The following TBC1D5 variants were observed in gnomAD, a reference collection of about 807,000 sequenced individuals.
TBC1D5 encodes the protein TBC1 domain family, member 5.
Under a neutral mutation model 100.3 loss-of-function variants are expected in TBC1D5, and 75 were observed. The observed-to-expected ratio is 0.75, with a 90% CI of 0.62 to 0.91. The LOEUF is 0.91. Among genes scored for constraint, TBC1D5 ranks in the 40% least tolerant of loss-of-function variants. TBC1D5 has a pLI of 0.00. For synonymous variants in TBC1D5, 323 were observed against 325.6 expected (o/e 0.99, Z 0.09); for missense variants, 910 against 942.4 (o/e 0.97, Z 0.45).
intron 1 of TBC1D5, among the ~76,000 whole-genome samples, chr3:17,632,616 A>T (rs528428544): frequency 6.6e-6 from 1 of 152,214 alleles, no homozygotes; most frequent in Non-Finnish European, 1.5e-5. Context: ...AAATTGCTAC[A>T]GACAAGCCAA....
In TBC1D5 at chr3:17,428,465, G is replaced by A. The variant is rs1024645950; in HGVS notation, c.152C>T (p.Thr51Ile). 1 of 1,459,164 alleles carries A rather than the reference G, an allele frequency of 6.9e-7. No individual in the cohort carries two copies. Among genetic ancestry groups the A allele is most frequent in the Non-Finnish European group, 9.1e-7 (1 of 1,098,200 alleles). The allele number at this position is 1,459,164 out of a possible 1,614,324, so 90.4% of individuals were successfully genotyped here. The change falls in exon 4 of 22, where the codon ACT becomes ATT. Residue 51 changes from threonine (T) to isoleucine (I), a missense_variant. Coordinates refer to ENST00000253692, the Ensembl canonical transcript of TBC1D5. ...CATCACCTACCTATAGGAATTAAAA[G>A]TCCCTTCAGAGTCTAAAGTAGAACT...
chr3:17,406,525 TC>T lies in TBC1D5; in HGVS notation c.168del (p.Glu58AsnfsTer7). Reference sequence around the variant, plus strand: ...TTTACAAATAGTTCTTCCCATTCTTTCCTATATGAAAGAAACCAAAGCATGA... The same window carrying T: ...TTTACAAATAGTTCTTCCCATTCTTTCTATATGAAAGAAACCAAAGCATGA... On this transcript the variant is annotated frameshift_variant and splice_region_variant, in exon 5 of 22. Coordinates refer to ENST00000253692, the Ensembl canonical transcript of TBC1D5. LOFTEE classifies it high-confidence loss of function. 1 of 1,610,868 alleles carries T rather than the reference TC, an allele frequency of 6.2e-7. No homozygotes were observed. The highest frequency in any genetic ancestry group is 1.1e-5 in the South Asian group (1 of 90,528).
In TBC1D5 at chr3:17,161,170, G is replaced by A. The variant is rs140987898; in HGVS notation, c.2181C>T (p.Ala727=). The change falls in exon 22 of 22, where the codon GCC becomes GCT. Residue 727 remains alanine, a synonymous_variant. Coordinates refer to ENST00000253692, the Ensembl canonical transcript of TBC1D5. ...GGGCCTGGCCGGAGAAGGAGCCCCT[G>A]GCACTGCTCCCATCATCATCTTTGG... 595 of 1,614,122 alleles carry A rather than the reference G, an allele frequency of 3.7e-4. 1 individual carries two copies. In the African/African-American group the frequency reaches 7.2e-3, roughly 20 times the overall value.
intron 1 of TBC1D5, among the ~76,000 whole-genome samples, chr3:17,689,452 TC>T (rs2070770334): frequency 6.7e-6 from 1 of 148,712 alleles, no homozygotes; most frequent in African/African-American, 2.5e-5. Flanking sequence ...AGCTGGAGGA[TC>T]GCTTGAGTTG....
intron 4 of TBC1D5, among the ~76,000 whole-genome samples, chr3:17,424,881 A>G (rs2094300911): frequency 6.6e-6 from 1 of 152,172 alleles, no homozygotes; most frequent in South Asian, 2.1e-4. Flanking sequence ...AGTTCCAGCC[A>G]TCATCTCTGA....
chr3:17,630,082 A>T (rs888784661), intron 1 of TBC1D5, among the ~76,000 whole-genome samples: 8 of 152,214 alleles, frequency 5.3e-5, no homozygotes, highest in African/African-American at 1.9e-4. Flanking sequence ...CATGTTTTTG[A>T]CACGAAATCA....
intron 2 of TBC1D5, among the ~76,000 whole-genome samples, chr3:17,595,658 C>A (rs1359123076): frequency 6.7e-6 from 1 of 149,216 alleles, no homozygotes; most frequent in Non-Finnish European, 1.5e-5. Flanking sequence ...CAGATGAGGA[C>A]ACTGAAGTTA....
intron 2 of TBC1D5, among the ~76,000 whole-genome samples, chr3:17,579,500 T>C (rs1171143283): frequency 6.6e-6 from 1 of 152,128 alleles, no homozygotes; most frequent in Non-Finnish European, 1.5e-5. Context: ...TTGGTCAATT[T>C]CACTGTTCAT....
At chr3:17,594,679 T>C (rs552621339) in intron 2 of TBC1D5, among the ~76,000 whole-genome samples, 41 of 152,330 alleles carry the variant, frequency 2.7e-4, no homozygotes, top group African/African-American at 9.1e-4. Context: ...ATTTAAGTAA[T>C]GTTAACTATA....
At chr3:17,212,298 A>G (rs1419123614) in intron 18 of TBC1D5, among the ~76,000 whole-genome samples, 1 of 152,160 alleles carries the variant, frequency 6.6e-6, no homozygotes, top group Non-Finnish European at 1.5e-5. Context: ...TCTATTGGCT[A>G]GTGACATCAT....
chr3:17,719,815 T>C (rs1357110728), intron 1 of TBC1D5, among the ~76,000 whole-genome samples: 3 of 152,198 alleles, frequency 2.0e-5, no homozygotes, highest in Non-Finnish European at 4.4e-5. Flanking sequence ...AAGCTCAAAA[T>C]AGGAAATACA....
chr3:17,662,261 T>G (rs1383771962), intron 1 of TBC1D5, among the ~76,000 whole-genome samples: 2 of 152,196 alleles, frequency 1.3e-5, no homozygotes, highest in Non-Finnish European at 2.9e-5. Context: ...CATATTTATC[T>G]TCTCAGATCC....
intron 1 of TBC1D5, among the ~76,000 whole-genome samples, chr3:17,634,140 A>C (rs1293597943): frequency 6.6e-6 from 1 of 152,198 alleles, no homozygotes. Flanking sequence ...AAATTAGTAC[A>C]ACCATTATGG....
chr3:17,326,355 T>C (rs1000105915), intron 13 of TBC1D5, among the ~76,000 whole-genome samples: 11 of 152,244 alleles, frequency 7.2e-5, no homozygotes, highest in African/African-American at 2.4e-4. Flanking sequence ...AGTCCTCAGA[T>C]GGCTGTTCCA....
intron 2 of TBC1D5, among the ~76,000 whole-genome samples, chr3:17,551,481 A>G (rs1031613791): frequency 1.3e-5 from 2 of 152,144 alleles, no homozygotes; most frequent in Admixed American, 6.5e-5. Flanking sequence ...CCAATCACGG[A>G]TGAGCTGGGG....
At chr3:17,315,832 A>G (rs1271050022) in intron 13 of TBC1D5, among the ~76,000 whole-genome samples, 2 of 152,078 alleles carry the variant, frequency 1.3e-5, no homozygotes, top group Non-Finnish European at 2.9e-5. Flanking sequence ...GGAAAGATAA[A>G]GCTTTACGGT....
At chr3:17,450,494 T>C (rs944458694) in intron 3 of TBC1D5, among the ~76,000 whole-genome samples, 4 of 151,992 alleles carry the variant, frequency 2.6e-5, no homozygotes, top group Middle Eastern at 3.2e-3. Flanking sequence ...TGATAAAAGG[T>C]CACAGGAACT....
intron 15 of TBC1D5, among the ~76,000 whole-genome samples, chr3:17,287,795 CT>C (rs1234830424): frequency 6.6e-6 from 1 of 152,138 alleles, no homozygotes; most frequent in Non-Finnish European, 1.5e-5. Flanking sequence ...AGAATGTATT[CT>C]CCACTGAGCA....
In TBC1D5 at chr3:17,437,622, T is replaced by TAGAGAGAG. The variant is rs58492511; in HGVS notation, c.98-9111_98-9104dup. 1.1e-3 allele frequency among the ~76,000 whole-genome samples: 126 copies of TAGAGAGAG among 115,442 alleles called. 2 individuals are homozygous for TAGAGAGAG. In the South Asian group the frequency reaches 0.013, roughly 12 times the overall value. 75.7% of individuals were successfully genotyped at this position (115,442 alleles called of 152,430 possible). On this transcript the variant is annotated intron_variant, in intron 3 of 21. Coordinates refer to ENST00000253692, the Ensembl canonical transcript of TBC1D5. ...GAGGGGAGAGAGACAGAGACAGAGG[T>TAGAGAGAG]AGAGAGAGAGAGAGAGAGAGAGGAA...
Sources: allele counts gnomAD v4.1 joint callset (sites outside exome capture counted in the v4.1 genomes callset), GRCh38; gene constraint gnomAD v4.1.1; transcripts MANE v1.5; gene names NCBI Gene and HGNC (gene_info 2026-07-23, HGNC 2026-07-21).